Variants in ZNF609 observed in about 807,000 individuals in gnomAD.
ZNF609 encodes the protein zinc finger protein 609.
A neutral mutation model predicts 109.5 loss-of-function variants in ZNF609; 11 were observed. The observed-to-expected ratio is 0.10, with a 90% CI of 0.06 to 0.17. The LOEUF (loss-of-function observed/expected upper bound fraction) is 0.17, where lower values mean the gene tolerates loss of function less well. ZNF609 is among the 10% of genes least tolerant of loss of function. The probability of loss-of-function intolerance (pLI) is 1.00; values close to 1 mark genes in which losing one functional copy is unlikely to be tolerated. For synonymous variants in ZNF609, 646 were observed against 662.0 expected (o/e 0.98, Z 0.37); for missense variants, 1,559 against 1,772.4 (o/e 0.88, Z 2.16).
intron 3 of ZNF609, among the ~76,000 whole-genome samples, chr15:64,669,371 A>G (rs1437493769): frequency 6.6e-6 from 1 of 152,242 alleles, no homozygotes; most frequent in Non-Finnish European, 1.5e-5. Context: ...GTCTACACAT[A>G]TGGAATGATC....
intron 2 of ZNF609, among the ~76,000 whole-genome samples, chr15:64,576,088 C>T (rs527612717): frequency 4.1e-4 from 62 of 151,958 alleles, no homozygotes; most frequent in Non-Finnish European, 7.6e-4. Context: ...GGCGACAGAG[C>T]GAGACTCAGT....
intron 2 of ZNF609, among the ~76,000 whole-genome samples, chr15:64,602,416 G>C (rs1895513753): frequency 6.6e-6 from 1 of 152,146 alleles, no homozygotes; most frequent in African/African-American, 2.4e-5. Flanking sequence ...GTTACTAGTA[G>C]TAATTACCCC....
intron 2 of ZNF609, among the ~76,000 whole-genome samples, chr15:64,573,022 A>T (rs1470854339): frequency 6.6e-6 from 1 of 152,238 alleles, no homozygotes; most frequent in African/African-American, 2.4e-5. Flanking sequence ...CTCCTCAGCC[A>T]ATTATACAAG....
chr15:64,520,128 C>T (rs1261561592), intron 2 of ZNF609, among the ~76,000 whole-genome samples: 2 of 152,140 alleles, frequency 1.3e-5, no homozygotes, highest in Non-Finnish European at 2.9e-5. Flanking sequence ...AGGAGTCTTG[C>T]ATTTTTGTGG....
At chr15:64,579,053 A>T (rs962488483) in intron 2 of ZNF609, among the ~76,000 whole-genome samples, 2 of 151,364 alleles carry the variant, frequency 1.3e-5, no homozygotes, top group African/African-American at 2.5e-5. Flanking sequence ...AATTAAAAAA[A>T]TTTTCATTAA....
chr15:64,464,247 C>T (rs1338843545), intron 1 of ZNF609, among the ~76,000 whole-genome samples: 1 of 152,102 alleles, frequency 6.6e-6, no homozygotes, highest in Non-Finnish European at 1.5e-5. Flanking sequence ...AGTGGAAGTG[C>T]CACTCCTTAT....
chr15:64,500,296 G>C (rs1280701657), intron 2 of ZNF609, 130 bp downstream of exon 2: 1 of 1,238,228 alleles, frequency 8.1e-7, no homozygotes, highest in South Asian at 1.3e-5. Flanking sequence ...CAAGGTCAGA[G>C]CAGCTGGTAA....
chr15:64,583,372 A>AT (rs1229984948), intron 2 of ZNF609, among the ~76,000 whole-genome samples: 1 of 151,926 alleles, frequency 6.6e-6, no homozygotes, highest in Non-Finnish European at 1.5e-5. Flanking sequence ...ATTAAATTAA[A>AT]TTTAAAAATA....
At chr15:64,534,342 C>T (rs1329119578) in intron 2 of ZNF609, among the ~76,000 whole-genome samples, 1 of 148,980 alleles carries the variant, frequency 6.7e-6, no homozygotes, top group East Asian at 2.0e-4. Flanking sequence ...GATAGAGTCT[C>T]GCTCTGTCGC....
At chr15:64,552,435 G>A (rs1469363151) in intron 2 of ZNF609, among the ~76,000 whole-genome samples, 2 of 152,084 alleles carry the variant, frequency 1.3e-5, no homozygotes, top group East Asian at 3.8e-4. Flanking sequence ...GCAGTGACGC[G>A]ATCTTGGCTC....
At chr15:64,576,941 A>AATATATATATGT (rs1567018974) in intron 2 of ZNF609, among the ~76,000 whole-genome samples, 3 of 127,890 alleles carry the variant, frequency 2.3e-5, no homozygotes, top group African/African-American at 5.4e-5. Flanking sequence ...TATACATATA[A>AATATATATATGT]ATATATACAT....
intron 2 of ZNF609, among the ~76,000 whole-genome samples, chr15:64,515,383 A>T (rs1466514158): frequency 6.6e-6 from 1 of 152,186 alleles, no homozygotes; most frequent in Non-Finnish European, 1.5e-5. Context: ...AAGCTGAGTA[A>T]AAATGACTCT....
chr15:64,485,164 CGAA>C (rs1343610596), intron 1 of ZNF609, among the ~76,000 whole-genome samples: 2 of 151,802 alleles, frequency 1.3e-5, no homozygotes, highest in Non-Finnish European at 2.9e-5. Context: ...CTGTTGACCC[CGAA>C]GAAGTATTTA....
In ZNF609 at chr15:64,683,197, T is replaced by G. The variant is rs898295070; in HGVS notation, c.*1511T>G. On this transcript the variant is annotated 3_prime_UTR_variant, in exon 10 of 10. Transcript: ENST00000326648. ...CTCCCCTCCTATCTTTCCATGACCCTCTGGATTGAGAGAGAGAGATAAAGA... is the reference window on the plus strand; with the variant it reads ...CTCCCCTCCTATCTTTCCATGACCCGCTGGATTGAGAGAGAGAGATAAAGA... 2 of 152,530 alleles carry G rather than the reference T, an allele frequency of 1.3e-5. No individual in the cohort carries two copies. The highest frequency in any genetic ancestry group is 6.6e-5 in the Admixed American group (1 of 15,262). The allele number at this position is 152,530 out of a possible 1,614,324, so 9.4% of individuals were successfully genotyped here. A position where few individuals can be genotyped will look rare whatever the true frequency, so the allele number is the denominator to read the frequency against.
intron 1 of ZNF609, among the ~76,000 whole-genome samples, chr15:64,495,036 C>T (rs939458052): frequency 1.3e-5 from 2 of 152,030 alleles, no homozygotes; most frequent in Non-Finnish European, 2.9e-5. Flanking sequence ...TTTTTTTCGC[C>T]TCCAGCTACC....
intron 2 of ZNF609, among the ~76,000 whole-genome samples, chr15:64,505,437 T>G (rs1021686564): frequency 2.0e-5 from 3 of 152,202 alleles, no homozygotes; most frequent in Admixed American, 6.5e-5. Context: ...GATATACTGT[T>G]GGCTAATTGT....
intron 2 of ZNF609, among the ~76,000 whole-genome samples, chr15:64,553,269 T>TAA (rs111971556): frequency 3.6e-5 from 5 of 140,528 alleles, no homozygotes; most frequent in Admixed American, 1.4e-4. Flanking sequence ...GTCCATGCCT[T>TAA]AAAAAAAAAA....
intron 2 of ZNF609, chr15:64,529,006 T>C: frequency 6.6e-7 from 1 of 1,510,174 alleles, no homozygotes; most frequent in Non-Finnish European, 9.1e-7. Flanking sequence ...CCCGTTCAGC[T>C]CAGGGATGAC....
chr15:64,610,015 AAATAAT>A (rs891285549), intron 2 of ZNF609, among the ~76,000 whole-genome samples: 4 of 151,492 alleles, frequency 2.6e-5, no homozygotes, highest in Admixed American at 6.6e-5. Context: ...CTATCTCAAA[AAATAAT>A]AATAATAATA....
Sources: gnomAD v4.1 joint callset for allele counts (sites outside exome capture counted in the v4.1 genomes callset) on GRCh38, gnomAD v4.1.1 for gene constraint, MANE v1.5 for transcripts, NCBI Gene and HGNC (gene_info 2026-07-23, HGNC 2026-07-21) for gene names.